TBC1D19: variants seen among roughly 807,000 people sequenced by gnomAD.
The protein encoded by TBC1D19 is TBC1 domain family, member 19.
A neutral mutation model predicts 89.0 loss-of-function variants in TBC1D19; 60 were observed. That is an observed-to-expected ratio of 0.67 (90% CI 0.55 to 0.84). TBC1D19 has a LOEUF of 0.84. Among genes scored for constraint, TBC1D19 ranks in the 40% least tolerant of loss-of-function variants. The pLI, the probability that TBC1D19 is intolerant of heterozygous loss-of-function variation, is 0.00. For synonymous variants in TBC1D19, 189 were observed against 199.7 expected (o/e 0.95, Z 0.45); for missense variants, 500 against 610.8 (o/e 0.82, Z 1.91).
intron 3 of TBC1D19, 88 bp downstream of exon 3, chr4:26,614,541 G>C (rs1014766839): frequency 1.3e-6 from 1 of 766,650 alleles, no homozygotes; most frequent in Middle Eastern, 3.8e-4. Flanking sequence ...ATATATACTT[G>C]TTGTATTATT....
At chr4:26,694,254 C>T (rs149614817) in intron 13 of TBC1D19, among the ~76,000 whole-genome samples, 2,288 of 152,258 alleles carry the variant, frequency 0.015, 52 homozygotes, top group African/African-American at 0.051. Flanking sequence ...CATTATATCC[C>T]ACCCCTGGCT....
intron 11 of TBC1D19, among the ~76,000 whole-genome samples, chr4:26,680,917 A>C (rs946440171): frequency 1.3e-5 from 2 of 152,128 alleles, no homozygotes; most frequent in Non-Finnish European, 2.9e-5. Flanking sequence ...ATTTTCCCTG[A>C]ACTGTCTCAT....
chr4:26,752,949 A>G (rs746404436), intron 19 of TBC1D19, among the ~76,000 whole-genome samples: 2 of 152,160 alleles, frequency 1.3e-5, no homozygotes, highest in Non-Finnish European at 2.9e-5. Context: ...GTGCACCACC[A>G]TGCTTGGCCT....
intron 10 of TBC1D19, among the ~76,000 whole-genome samples, chr4:26,672,708 T>A (rs893795547): frequency 3.9e-5 from 6 of 152,018 alleles, no homozygotes; most frequent in Admixed American, 2.6e-4. Flanking sequence ...AATCCTTTTT[T>A]GTCTTTGAGA....
chr4:26,808,889 C>T, the TBC1D19 span, among the ~76,000 whole-genome samples: 1 of 152,148 alleles, frequency 6.6e-6, no homozygotes, highest in Non-Finnish European at 1.5e-5. Flanking sequence ...CATTGACTTG[C>T]TGTTTCTTGG....
chr4:26,596,261 C>T (rs1284237798), intron 1 of TBC1D19, among the ~76,000 whole-genome samples: 1 of 152,110 alleles, frequency 6.6e-6, no homozygotes, highest in Non-Finnish European at 1.5e-5. Context: ...TCGGCCCATA[C>T]AGATTGCATT....
chr4:26,693,159 C>A (rs1714452340), intron 13 of TBC1D19, among the ~76,000 whole-genome samples: 2 of 149,704 alleles, frequency 1.3e-5, no homozygotes, highest in African/African-American at 2.4e-5. Flanking sequence ...AAGCCAGTGT[C>A]ATTGAAGGAT....
At chr4:26,581,764 C>T (rs934797144), upstream of TBC1D19, among the ~76,000 whole-genome samples, 3 of 152,088 alleles carry the variant, frequency 2.0e-5, no homozygotes, top group African/African-American at 7.2e-5. Context: ...CCACATAATT[C>T]CTTTGGGACT....
intron 9 of TBC1D19, among the ~76,000 whole-genome samples, chr4:26,669,672 A>G (rs759731198): frequency 4.0e-5 from 6 of 151,806 alleles, no homozygotes; most frequent in Non-Finnish European, 8.9e-5. Context: ...GTAATAAAGC[A>G]CTGTTATCAT....
the TBC1D19 span, among the ~76,000 whole-genome samples, chr4:26,814,556 A>G: frequency 3.3e-5 from 5 of 152,180 alleles, no homozygotes; most frequent in African/African-American, 4.8e-5. Context: ...CTTAATTTCT[A>G]TCTGCCTTCT....
chr4:26,598,349 C>A (rs1208875579), intron 1 of TBC1D19, among the ~76,000 whole-genome samples: 1 of 152,110 alleles, frequency 6.6e-6, no homozygotes, highest in Admixed American at 6.5e-5. Flanking sequence ...ATTTCTGCAG[C>A]AAAATGCATG....
chr4:26,583,688 C>G (rs1739221157), upstream of TBC1D19, among the ~76,000 whole-genome samples: 1 of 152,144 alleles, frequency 6.6e-6, no homozygotes, highest in African/African-American at 2.4e-5. Context: ...ATCCTGCAAA[C>G]TGGGTGTTAT....
intron 17 of TBC1D19, among the ~76,000 whole-genome samples, chr4:26,740,349 G>T (rs1718285267): frequency 6.6e-6 from 1 of 152,174 alleles, no homozygotes. Flanking sequence ...AGCACTCAGT[G>T]TAGTTAGTGC....
the TBC1D19 span, among the ~76,000 whole-genome samples, chr4:26,818,825 A>G: frequency 6.6e-6 from 1 of 152,170 alleles, no homozygotes; most frequent in Admixed American, 6.5e-5. Context: ...TCAATTGGTC[A>G]CCTTAGTTGC....
At chr4:26,707,186 TTG>T (rs1028043544) in intron 13 of TBC1D19, among the ~76,000 whole-genome samples, 10 of 152,090 alleles carry the variant, frequency 6.6e-5, no homozygotes, top group African/African-American at 1.2e-4. Context: ...CTTTCATTTT[TTG>T]TTAGTTTTTG....
intron 13 of TBC1D19, among the ~76,000 whole-genome samples, chr4:26,713,547 A>C (rs1375972030): frequency 6.6e-6 from 1 of 152,120 alleles, no homozygotes; most frequent in Non-Finnish European, 1.5e-5. Context: ...CAGAAAGGAC[A>C]CAACATTATT....
chr4:26,811,772 C>T, the TBC1D19 span, among the ~76,000 whole-genome samples: 1 of 152,194 alleles, frequency 6.6e-6, no homozygotes, highest in Admixed American at 6.5e-5. Context: ...AACTTCCTGA[C>T]ATTGCCATGG....
intron 1 of TBC1D19, among the ~76,000 whole-genome samples, chr4:26,599,881 G>A (rs910540333): frequency 1.5e-5 from 2 of 136,518 alleles, no homozygotes; most frequent in Non-Finnish European, 3.0e-5. Flanking sequence ...CCAGGAGGCA[G>A]AGGTTGCAGT....
chr4:26,642,602 G>A (rs1453045804), intron 7 of TBC1D19, among the ~76,000 whole-genome samples: 5 of 152,158 alleles, frequency 3.3e-5, no homozygotes, highest in Non-Finnish European at 5.9e-5. Context: ...ATGTCAATGG[G>A]CTAAATTCCC....
Sources: gnomAD v4.1 joint callset for allele counts (sites outside exome capture counted in the v4.1 genomes callset) on GRCh38, gnomAD v4.1.1 for gene constraint, MANE v1.5 for transcripts, NCBI Gene and HGNC (gene_info 2026-07-23, HGNC 2026-07-21) for gene names.